ADAMTS9: variants seen among roughly 807,000 people sequenced by gnomAD.
ADAMTS9 encodes A disintegrin and metalloproteinase with thrombospondin motifs 9.
A neutral mutation model predicts 257.1 loss-of-function variants in ADAMTS9; 107 were observed. The observed-to-expected ratio is 0.42, with a 90% CI of 0.36 to 0.49. ADAMTS9 has a LOEUF of 0.49. Ranked by LOEUF, ADAMTS9 falls within the 20% of genes least tolerant of loss-of-function variation. ADAMTS9 has a pLI of 0.03. For synonymous variants in ADAMTS9, 982 were observed against 880.9 expected, an observed-to-expected ratio of 1.11 and a Z score of -2.03; for missense variants, 2,353 against 2,469.1, an observed-to-expected ratio of 0.95 and a Z score of 1.00.
In ADAMTS9 at chr3:64,631,471, G is replaced by A. The variant is rs769078401; in HGVS notation, c.2373C>T (p.Asp791=). Residue 791 remains aspartate (D), a synonymous_variant, in exon 16 of 40, where the codon GAC becomes GAT. Transcript: ENST00000498707. ...CCATCTCACCTAAGTAGTTGTCATC[G>A]TCTGTTTCCCCTGAGAAACTGTGCT... ...VRQHSFSGET[D]DDNYLALSSS... is the part of the protein sequence containing the mutation. The A allele has an allele frequency of 1.4e-5, 22 of 1,613,826 alleles. No homozygotes were observed. The highest frequency in any genetic ancestry group is 5.3e-5 in the African/African-American group (4 of 74,916).
intron 28 of ADAMTS9, among the ~76,000 whole-genome samples, chr3:64,586,130 G>C (rs2106765849): frequency 6.6e-6 from 1 of 152,226 alleles, no homozygotes; most frequent in African/African-American, 2.4e-5. Context: ...GTGAGACCTA[G>C]AGACCACTAC....
intron 21 of ADAMTS9, 60 bp downstream of exon 21, chr3:64,615,261 G>A (rs756575941): frequency 6.4e-7 from 1 of 1,570,366 alleles, no homozygotes; most frequent in Admixed American, 1.8e-5. Flanking sequence ...AACAGATAGA[G>A]AGCACCAGAA....
chr3:64,662,727 C>T (rs191207386), intron 3 of ADAMTS9, among the ~76,000 whole-genome samples: 229 of 152,158 alleles, frequency 1.5e-3, no homozygotes, highest in South Asian at 4.3e-3. Context: ...GGTCTCCAGT[C>T]ATAGGAAATG....
rs117567993 is a variant in ADAMTS9, at chr3:64,573,983, G to T, written c.4357-5448C>A. Among the ~76,000 whole-genome samples, 134 of 152,288 alleles carry T rather than the reference G, an allele frequency of 8.8e-4. 1 individual carries two copies. In the East Asian group the frequency reaches 0.023, roughly 26 times the overall value. ...AGCTGCAACTCATACATGTTTACTTGCTGCTTTCCACACTGTAGTCAGTCA... is the reference window on the plus strand; with the variant it reads ...AGCTGCAACTCATACATGTTTACTTTCTGCTTTCCACACTGTAGTCAGTCA... On this transcript the variant is annotated intron_variant, in intron 28 of 39. Coordinates refer to ENST00000498707, the MANE Select transcript of ADAMTS9 (RefSeq NM_182920.2).
At chr3:64,666,140 G>GT (rs1404281163) in intron 3 of ADAMTS9, among the ~76,000 whole-genome samples, 1 of 152,046 alleles carries the variant, frequency 6.6e-6, no homozygotes, top group Non-Finnish European at 1.5e-5. Flanking sequence ...TGATTTATTG[G>GT]TAAAAATGTT....
chr3:64,606,568 ACTC>A (rs2084559779), intron 23 of ADAMTS9, among the ~76,000 whole-genome samples: 1 of 152,074 alleles, frequency 6.6e-6, no homozygotes, highest in Non-Finnish European at 1.5e-5. Flanking sequence ...AGTTTGCAAA[ACTC>A]CTGCAAAATT....
At chr3:64,557,622 G>T (rs764959442) in intron 30 of ADAMTS9, among the ~76,000 whole-genome samples, 1 of 152,148 alleles carries the variant, frequency 6.6e-6, no homozygotes, top group African/African-American at 2.4e-5. Context: ...GTACTAAAAA[G>T]AAGTCTACTT....
At chr3:64,542,134 G>T (rs1038094467) in intron 32 of ADAMTS9, among the ~76,000 whole-genome samples, 164 bp from the exon 33 acceptor site, 7 of 152,068 alleles carry the variant, frequency 4.6e-5, no homozygotes, top group Admixed American at 2.6e-4. Flanking sequence ...CTTACTATGG[G>T]CCAGTCCCTG....
At chr3:64,548,491 A>T (rs7616423) in intron 31 of ADAMTS9, among the ~76,000 whole-genome samples, 112,175 of 151,888 alleles carry the variant, frequency 0.74, 43,536 homozygotes, top group Non-Finnish European at 0.86. Context: ...TGCATTGACA[A>T]CAGTCCATAC....
rs1700656771 is a variant in ADAMTS9 at position 64,641,985 on chromosome 3, C to T, written c.1719G>A (p.Lys573=). Residue 573 remains lysine (K), a synonymous_variant, in exon 12 of 40, where the codon AAG becomes AAA. Transcript: ENST00000498707. ...GTECEPGKHC[K]YGFCVPKEMD... is the part of the protein sequence containing the mutation. The stretch of plus-strand genomic sequence containing the variant: ...TTTCTTTGGGAACACAAAATCCATA[C>T]TTGCAGTGCTGTATTTAATAAGGGG... The T allele has an allele frequency of 1.2e-6, 2 of 1,614,104 alleles. No homozygotes were observed. Among genetic ancestry groups the T allele is most frequent in the Non-Finnish European group, 1.7e-6 (2 of 1,179,998 alleles).
At chr3:64,559,740 G>A (rs2083388764) in intron 30 of ADAMTS9, among the ~76,000 whole-genome samples, 1 of 152,238 alleles carries the variant, frequency 6.6e-6, no homozygotes, top group Non-Finnish European at 1.5e-5. Flanking sequence ...TATGTGGCAA[G>A]GTTTTTCCAT....
intron 21 of ADAMTS9, 110 bp downstream of exon 21, chr3:64,615,211 A>G: frequency 1.6e-6 from 2 of 1,271,456 alleles, no homozygotes; most frequent in Admixed American, 4.5e-5. Flanking sequence ...ACAAGGGAGA[A>G]AGGGAGAGGT....
rs79961996 is a variant in ADAMTS9, at chr3:64,668,967, A to G, written c.680-10176T>C. On this transcript the variant is annotated intron_variant, in intron 3 of 39. Coordinates refer to ENST00000498707, the MANE Select transcript of ADAMTS9 (RefSeq NM_182920.2). ...GTTTACAGGCACTGAGGACTGGTTT[A>G]TAAGGCCTGCAGCTGAAACCCTTTT... 2.3e-3 allele frequency among the ~76,000 whole-genome samples: 355 copies of G among 152,260 alleles called. 2 individuals carry two copies. Among genetic ancestry groups the G allele is most frequent in the African/African-American group, 8.2e-3 (340 of 41,548 alleles).
intron 2 of ADAMTS9, among the ~76,000 whole-genome samples, chr3:64,681,794 T>C (rs1216543829): frequency 1.3e-5 from 2 of 152,122 alleles, no homozygotes; most frequent in African/African-American, 2.4e-5. Context: ...CAAAGTGTCA[T>C]ATCAGTAACT....
At chr3:64,680,949 A>G (rs543328538) in intron 3 of ADAMTS9, among the ~76,000 whole-genome samples, 1 of 152,344 alleles carries the variant, frequency 6.6e-6, no homozygotes, top group African/African-American at 2.4e-5. Context: ...CATAGAGGGC[A>G]TGGAGTCACT....
At chr3:64,640,655 C>T (rs1700614088) in intron 12 of ADAMTS9, among the ~76,000 whole-genome samples, 1 of 152,128 alleles carries the variant, frequency 6.6e-6, no homozygotes, top group African/African-American at 2.4e-5. Context: ...TCTTGGTTCC[C>T]AGCCTAAATA....
chr3:64,649,922 A>G, intron 9 of ADAMTS9, 144 bp from the exon 10 acceptor site: 1 of 1,051,872 alleles, frequency 9.5e-7, no homozygotes, highest in Non-Finnish European at 1.3e-6. Context: ...TACATCCAAG[A>G]TTAAATCCAG....
chr3:64,548,599 G>C (rs1260434444), intron 31 of ADAMTS9, among the ~76,000 whole-genome samples: 2 of 151,786 alleles, frequency 1.3e-5, no homozygotes, highest in South Asian at 2.1e-4. Flanking sequence ...ATTTATGTGG[G>C]GGGGAGCCCA....
Position 64,658,732 on chromosome 3 carries a change from T to C in ADAMTS9, c.739A>G (p.Arg247Gly), listed in dbSNP as rs1483901079. The change falls in exon 4 of 40, where the codon AGG becomes GGG. Residue 247 changes from arginine to glycine, a missense_variant. By Grantham distance (125) the Arg-to-Gly change is moderately radical. Transcript: ENST00000498707. ...KKTRARKWGE[R>G]INLAGDVAAL... ...GCTACGTCACCAGCCAGGTTAATCC[T>C]TTCTCCCCATTTTCTTGCTCTGGTT... 6.2e-7 allele frequency: 1 copy of C among 1,614,164 alleles called. No homozygotes were observed. Among genetic ancestry groups the C allele is most frequent in the Non-Finnish European group, 8.5e-7 (1 of 1,180,010 alleles).
Sources: gnomAD v4.1 joint callset for allele counts (sites outside exome capture counted in the v4.1 genomes callset) on GRCh38, gnomAD v4.1.1 for gene constraint, MANE v1.5 for transcripts, NCBI Gene and HGNC (gene_info 2026-07-23, HGNC 2026-07-21) for gene names.